The following ANKS3 variants were observed in gnomAD, a reference collection of about 807,000 sequenced individuals.
ANKS3 encodes the protein ankyrin repeat and SAM domain-containing protein 3.
In ANKS3, 62 loss-of-function variants were observed where a neutral mutation model predicts 80.7. The ratio of observed to expected loss-of-function variants is 0.77; its 90% confidence interval spans 0.63 to 0.95. ANKS3 has a LOEUF of 0.95. ANKS3 is among the 40% of genes least tolerant of loss of function. The probability of loss-of-function intolerance (pLI) is 0.00; values close to 1 mark genes in which losing one functional copy is unlikely to be tolerated. For missense variants in ANKS3, 1,150 were observed against 883.6 expected (o/e 1.30, Z -3.82); for synonymous variants, 489 against 355.3 (o/e 1.38, Z -4.23).
At chr16:4,719,479 G>C (rs898661703) in intron 6 of ANKS3, among the ~76,000 whole-genome samples, 2 of 152,214 alleles carry the variant, frequency 1.3e-5, no homozygotes, top group South Asian at 4.1e-4. Flanking sequence ...TCTTAAGGAA[G>C]TCTAGTTCAT....
chr16:4,705,958 C>T (rs1167939477), intron 7 of ANKS3, among the ~76,000 whole-genome samples: 2 of 150,176 alleles, frequency 1.3e-5, no homozygotes, highest in East Asian at 3.9e-4. Flanking sequence ...AGGAGTTTTG[C>T]TCTTGCTGCC....
chr16:4,702,319 G>A, intron 8 of ANKS3, 77 bp from the exon 9 acceptor site: 1 of 1,372,088 alleles, frequency 7.3e-7, no homozygotes, highest in Non-Finnish European at 9.5e-7. Flanking sequence ...CCAGGATGGA[G>A]GCAGGTGACT....
rs149463061 is a variant in ANKS3 at position 4,701,522 on chromosome 16, T to G, written c.1031A>C (p.Asn344Thr). ...SSREEHAFCA[N>T]LGPVQSSSSS... ...GCTGCTGCTCTGGACGGGCCCCAGG[T>G]TGGCACAGAAAGCATGTTCCTCTGA... is the stretch of plus-strand genomic sequence containing the variant. Residue 344 changes from asparagine to threonine, a missense_variant, in exon 10 of 18, where the codon AAC becomes ACC. Asn to Thr is a moderately conservative substitution (Grantham distance 65). Coordinates refer to ENST00000304283, the MANE Select transcript of ANKS3 (RefSeq NM_133450.4). 50 of 1,611,118 alleles carry G rather than the reference T, an allele frequency of 3.1e-5. No homozygotes were observed. Among genetic ancestry groups the G allele is most frequent in the Non-Finnish European group, 4.1e-5 (48 of 1,178,636 alleles).
At chr16:4,716,641 G>C (rs965803945) in intron 6 of ANKS3, among the ~76,000 whole-genome samples, 1 of 152,124 alleles carries the variant, frequency 6.6e-6, no homozygotes. Context: ...TTATAGGCCG[G>C]GCACAGTGGC....
chr16:4,724,693 A>G, intron 6 of ANKS3, 57 bp downstream of exon 6: 2 of 1,487,246 alleles, frequency 1.3e-6, no homozygotes, highest in Non-Finnish European at 1.9e-6. Flanking sequence ...ATACTTCAGT[A>G]ATATGATTCC....
At chr16:4,729,210 G>C (rs1302720404) in intron 3 of ANKS3, 1 of 152,260 alleles carries the variant, frequency 6.6e-6, no homozygotes, top group Non-Finnish European at 1.5e-5. Flanking sequence ...GATTAGCAAA[G>C]GGCAGGTGGG....
At chr16:4,725,911 G>C (rs1017064006) in intron 5 of ANKS3, among the ~76,000 whole-genome samples, 1 of 151,578 alleles carries the variant, frequency 6.6e-6, no homozygotes, top group Admixed American at 6.6e-5. Context: ...GCCCGCCTTG[G>C]CCTCCCAGAG....
intron 7 of ANKS3, among the ~76,000 whole-genome samples, chr16:4,707,429 G>A (rs1596374643): frequency 1.3e-5 from 2 of 151,936 alleles, no homozygotes; most frequent in East Asian, 3.9e-4. Flanking sequence ...TTGTAAGTAT[G>A]TGCCACCATG....
At chr16:4,723,955 G>C (rs1190407139) in intron 6 of ANKS3, among the ~76,000 whole-genome samples, 3 of 152,116 alleles carry the variant, frequency 2.0e-5, no homozygotes, top group Non-Finnish European at 4.4e-5. Context: ...CAGCTACTTG[G>C]GGGCTGAGGC....
At chr16:4,717,704 C>T (rs1462888145) in intron 6 of ANKS3, among the ~76,000 whole-genome samples, 1 of 152,120 alleles carries the variant, frequency 6.6e-6, no homozygotes, top group Non-Finnish European at 1.5e-5. Context: ...CTGTGGCCCA[C>T]GCTGGATTAC....
chr16:4,726,720 T>A lies in ANKS3; in HGVS notation c.430A>T (p.Ser144Cys). 1 of 1,614,230 alleles carries A rather than the reference T, an allele frequency of 6.2e-7. No homozygotes were observed. The highest frequency in any genetic ancestry group is 8.5e-7 in the Non-Finnish European group (1 of 1,180,022). The change falls in exon 5 of 18, where the codon AGC becomes TGC. Residue 144 changes from serine (S) to cysteine (C), a missense_variant. By Grantham distance (112) the Ser-to-Cys change is moderately radical (BLOSUM62 -1). Coordinates refer to ENST00000304283, the MANE Select transcript of ANKS3 (RefSeq NM_133450.4). ...QGWTALFHCTSAGHQHMVRFL... is the reference protein window; with the variant it reads ...QGWTALFHCTCAGHQHMVRFL... ...CTGACCATGTGCTGGTGCCCGGCGC[T>A]GGTACAGTGGAAGAGGGCTGTCCAG... is the stretch of plus-strand genomic sequence containing the variant.
In ANKS3 at chr16:4,697,016, C is replaced by T; in HGVS notation, c.*11+1G>A. ...CGGGATCCAGGCTGGCAGACACTCA[C>T]CGGCCCGCAGGCTAGGTCTCCCGCC... On this transcript the variant is annotated splice_donor_variant, in intron 17 of 17. Transcript: ENST00000304283. LOFTEE classifies it low-confidence loss of function (3UTR_SPLICE). 2 of 1,611,720 alleles carry T rather than the reference C, an allele frequency of 1.2e-6. No individual in the cohort carries two copies. Among genetic ancestry groups the T allele is most frequent in the Non-Finnish European group, 1.7e-6 (2 of 1,179,264 alleles).
chr16:4,720,163 A>G (rs1218581513), intron 6 of ANKS3, among the ~76,000 whole-genome samples: 2 of 92,816 alleles, frequency 2.2e-5, no homozygotes, highest in South Asian at 3.7e-4. Context: ...CCCCACCCCA[A>G]AAAAAAAAAA....
At chr16:4,709,900 A>G (rs1247977841) in intron 7 of ANKS3, among the ~76,000 whole-genome samples, 2 of 151,932 alleles carry the variant, frequency 1.3e-5, no homozygotes, top group Non-Finnish European at 2.9e-5. Context: ...AGTGCCAGCT[A>G]CTCGGGAGGC....
chr16:4,723,429 T>C (rs1037440355), intron 6 of ANKS3, among the ~76,000 whole-genome samples: 5 of 152,226 alleles, frequency 3.3e-5, no homozygotes, highest in Non-Finnish European at 7.3e-5. Context: ...GTTTTCCTTT[T>C]CTTTTTCTTT....
In ANKS3 at chr16:4,697,430, G is replaced by A. The variant is rs1221142871; in HGVS notation, c.1811-14C>T. On this transcript the variant is annotated splice_polypyrimidine_tract_variant and intron_variant, in intron 15 of 17. Transcript: ENST00000304283. Reference sequence around the variant, plus strand: ...AGCCCTTGGAGTCTGTGGTGCAGGTGCAGGGACCGAGTTAGCTGGGGGTCT... The same window carrying A: ...AGCCCTTGGAGTCTGTGGTGCAGGTACAGGGACCGAGTTAGCTGGGGGTCT... The A allele has an allele frequency of 1.9e-6, 3 of 1,584,892 alleles. No individual in the cohort carries two copies. The highest frequency in any genetic ancestry group is 1.8e-5 in the Admixed American group (1 of 56,086).
chr16:4,734,039 G>T lies in ANKS3; in HGVS notation c.-172C>A, dbSNP rs8049395. ...CACCACAACCACATAAAGAAAATGT[G>T]GGGGCTCGGTCCTCCAGTCACGCGG... On this transcript the variant is annotated 5_prime_UTR_variant, in exon 1 of 18. Transcript: ENST00000304283. 6.1e-6 allele frequency: 6 copies of T among 984,038 alleles called. No homozygotes were observed. The highest frequency in any genetic ancestry group is 7.2e-6 in the Non-Finnish European group (6 of 828,772). 61.0% of individuals were successfully genotyped at this position (984,038 alleles called of 1,614,324 possible).
In ANKS3 at chr16:4,698,529, C is replaced by G; in HGVS notation, c.1622G>C (p.Ser541Thr). Residue 541 changes from serine (S) to threonine (T), a missense_variant, in exon 14 of 18, where the codon AGC becomes ACC. Physicochemically the swap from Ser to Thr is moderately conservative, Grantham distance 58. Coordinates refer to ENST00000304283, the MANE Select transcript of ANKS3 (RefSeq NM_133450.4). ...QEQELRAVVE[S>T]CLLEQDRARE... is the part of the protein sequence containing the mutation. ...GGCGCGGTCCTGCTCCAGCAGGCAGCTCTCCACCACGGCGCGCAGCTCCTG... is the reference window on the plus strand; with the variant it reads ...GGCGCGGTCCTGCTCCAGCAGGCAGGTCTCCACCACGGCGCGCAGCTCCTG... The G allele has an allele frequency of 6.4e-7, 1 of 1,574,338 alleles. No individual in the cohort carries two copies. The highest frequency in any genetic ancestry group is 8.6e-7 in the Non-Finnish European group (1 of 1,168,182).
At chr16:4,727,220 C>G (rs1338993688) in intron 3 of ANKS3, 43 bp from the exon 4 acceptor site, 1 of 1,599,120 alleles carries the variant, frequency 6.3e-7, no homozygotes, top group African/African-American at 1.3e-5. Flanking sequence ...AGCCGCCTCG[C>G]ATGTGGGGTT....
Sources: allele counts gnomAD v4.1 joint callset (sites outside exome capture counted in the v4.1 genomes callset), GRCh38; gene constraint gnomAD v4.1.1; transcripts MANE v1.5; gene names NCBI Gene and HGNC (gene_info 2026-07-23, HGNC 2026-07-21).